Variants in FA2H observed in about 807,000 individuals in gnomAD.
FA2H encodes the protein fatty acid 2-hydroxylase.
In FA2H, 22 loss-of-function variants were observed where a neutral mutation model predicts 44.9. That is an observed-to-expected ratio of 0.49 (90% CI 0.35 to 0.70). FA2H has a LOEUF of 0.70. FA2H is among the 30% of genes least tolerant of loss of function. The probability of loss-of-function intolerance (pLI) is 0.01; values close to 1 mark genes in which losing one functional copy is unlikely to be tolerated. For missense variants in FA2H, 501 were observed against 504.9 expected, an observed-to-expected ratio of 0.99 and a Z score of 0.07; for synonymous variants, 243 against 213.2, an observed-to-expected ratio of 1.14 and a Z score of -1.22.
chr16:74,746,590 T>C (rs1302942866), intron 1 of FA2H, among the ~76,000 whole-genome samples: 1 of 152,064 alleles, frequency 6.6e-6, no homozygotes, highest in Non-Finnish European at 1.5e-5. Context: ...AAATTTGACT[T>C]GCATTTAAAA....
chr16:74,749,549 T>C (rs544231995), intron 1 of FA2H, among the ~76,000 whole-genome samples: 1 of 152,304 alleles, frequency 6.6e-6, no homozygotes, highest in South Asian at 2.1e-4. Context: ...GCGTTGACTC[T>C]ATTCACCACG....
intron 1 of FA2H, among the ~76,000 whole-genome samples, chr16:74,756,316 C>T (rs892212929): frequency 1.1e-4 from 17 of 152,226 alleles, no homozygotes; most frequent in Middle Eastern, 3.4e-3. Flanking sequence ...TCCCCATGCC[C>T]GCATCCCCTG....
chr16:74,745,478 T>C (rs149606300), intron 1 of FA2H, among the ~76,000 whole-genome samples: 40 of 152,284 alleles, frequency 2.6e-4, no homozygotes, highest in African/African-American at 9.4e-4. Flanking sequence ...GAGCCTTCCA[T>C]AGCCCACGTC....
intron 4 of FA2H, among the ~76,000 whole-genome samples, chr16:74,725,697 G>A (rs1375735337): frequency 1.3e-5 from 2 of 152,208 alleles, no homozygotes; most frequent in Non-Finnish European, 2.9e-5. Flanking sequence ...CCCCGCACAT[G>A]GCAAGTGTCC....
chr16:74,723,989 C>T (rs1256896774), intron 4 of FA2H, among the ~76,000 whole-genome samples: 1 of 152,076 alleles, frequency 6.6e-6, no homozygotes, highest in Non-Finnish European at 1.5e-5. Context: ...GCAACCTCTG[C>T]CTCCTGGGTT....
chr16:74,770,666 C>T (rs1164652898), intron 1 of FA2H, among the ~76,000 whole-genome samples: 1 of 152,202 alleles, frequency 6.6e-6, no homozygotes, highest in South Asian at 2.1e-4. Context: ...CCACTGTGCC[C>T]AGCCTTCCTC....
At chr16:74,769,215 C>T (rs1962861147) in intron 1 of FA2H, among the ~76,000 whole-genome samples, 1 of 152,168 alleles carries the variant, frequency 6.6e-6, no homozygotes, top group South Asian at 2.1e-4. Context: ...ACCTCAGCCT[C>T]CCAAGTAGCT....
At chr16:74,742,551 A>G (rs1385350870) in intron 1 of FA2H, among the ~76,000 whole-genome samples, 7 of 152,188 alleles carry the variant, frequency 4.6e-5, no homozygotes, top group African/African-American at 1.4e-4. Flanking sequence ...AAATATTTCA[A>G]AGGCAGGCAC....
intron 1 of FA2H, among the ~76,000 whole-genome samples, chr16:74,753,052 A>C (rs1362981420): frequency 1.3e-5 from 2 of 152,246 alleles, no homozygotes; most frequent in African/African-American, 4.8e-5. Flanking sequence ...GGTTAGCAGA[A>C]GCTGGAGCTG....
At chr16:74,725,288 G>A (rs1179364479) in intron 4 of FA2H, among the ~76,000 whole-genome samples, 1 of 152,184 alleles carries the variant, frequency 6.6e-6, no homozygotes, top group Non-Finnish European at 1.5e-5. Context: ...CAGAGTGCAG[G>A]GAAAAGAGCT....
chr16:74,766,473 T>C (rs1166565677), intron 1 of FA2H, among the ~76,000 whole-genome samples: 3 of 152,124 alleles, frequency 2.0e-5, no homozygotes, highest in Non-Finnish European at 2.9e-5. Context: ...TAGGGAGCCA[T>C]TGAATACTTA....
chr16:74,741,798 A>G (rs1364674689), intron 1 of FA2H, among the ~76,000 whole-genome samples: 33 of 80,006 alleles, frequency 4.1e-4, no homozygotes, highest in African/African-American at 1.6e-3. Context: ...ATATATATAT[A>G]TATATATATA....
rs761217557 is a variant in FA2H, at chr16:74,719,020, G to A, written c.754C>T (p.Leu252=). Residue 252 remains leucine, a synonymous_variant, in exon 5 of 7, where the codon CTG becomes TTG. Coordinates refer to ENST00000219368, the MANE Select transcript of FA2H (RefSeq NM_024306.5). The part of the protein sequence containing the change: ...PPSDSYYLIM[L]HFVMHGQHHK... ...TGCTGGCCGTGCATGACGAAGTGCA[G>A]CATGATGAGGTAATAGCTGTCGCTG... 6.2e-7 allele frequency: 1 copy of A among 1,613,980 alleles called. No individual in the cohort carries two copies. Among genetic ancestry groups the A allele is most frequent in the African/African-American group, 1.3e-5 (1 of 75,064 alleles).
chr16:74,769,480 T>A (rs1229967179), intron 1 of FA2H, among the ~76,000 whole-genome samples: 2 of 152,110 alleles, frequency 1.3e-5, no homozygotes, highest in Non-Finnish European at 2.9e-5. Context: ...ATAAAGTGGG[T>A]CAATTTAAAG....
At chr16:74,760,296 T>C (rs893142971) in intron 1 of FA2H, among the ~76,000 whole-genome samples, 6 of 152,166 alleles carry the variant, frequency 3.9e-5, no homozygotes, top group African/African-American at 1.4e-4. Context: ...AGGTTTCCCA[T>C]GTATTTGGGG....
intron 1 of FA2H, among the ~76,000 whole-genome samples, chr16:74,748,350 T>C (rs536409701): frequency 2.0e-5 from 3 of 152,256 alleles, no homozygotes; most frequent in Admixed American, 1.3e-4. Context: ...CACAAGCACC[T>C]TCACCGAGGC....
Position 74,718,939 on chromosome 16 carries a change from C to T in FA2H, c.786+49G>A, listed in dbSNP as rs746782405. ...TGAAGCTGCGGCTGGCTGCCGGGCC[C>T]TCTCGGGCTGCACATGCTAGGTCCG... is the stretch of plus-strand genomic sequence containing the variant. On this transcript the variant is annotated intron_variant, in intron 5 of 6. Coordinates refer to ENST00000219368, the MANE Select transcript of FA2H (RefSeq NM_024306.5). 4 of 1,605,580 alleles carry T rather than the reference C, an allele frequency of 2.5e-6. No homozygotes were observed. The East Asian group carries it at 6.7e-5, about 27-fold the overall frequency.
rs146140255 is a variant in FA2H at position 74,768,032 on chromosome 16, G to A, written c.270+6454C>T. 5.3e-5 allele frequency among the ~76,000 whole-genome samples: 8 copies of A among 152,260 alleles called. No homozygotes were observed. The South Asian group carries it at 8.3e-4, about 16-fold the overall frequency. On this transcript the variant is annotated intron_variant, in intron 1 of 6. Coordinates refer to ENST00000219368, the MANE Select transcript of FA2H (RefSeq NM_024306.5). ...TCTGTGATGTGGTGGGTTTCAGAGC[G>A]CATGGGATGCTTATCACCTGTCTAA...
intron 1 of FA2H, among the ~76,000 whole-genome samples, chr16:74,741,042 C>T (rs947630875): frequency 1.6e-4 from 24 of 152,230 alleles, no homozygotes; most frequent in African/African-American, 5.8e-4. Flanking sequence ...AAATCGAACT[C>T]ACAAAGAGGT....
Sources: gnomAD v4.1 joint callset for allele counts (sites outside exome capture counted in the v4.1 genomes callset) on GRCh38, gnomAD v4.1.1 for gene constraint, MANE v1.5 for transcripts, NCBI Gene and HGNC (gene_info 2026-07-23, HGNC 2026-07-21) for gene names.